VIT: variants seen among roughly 807,000 people sequenced by gnomAD.
VIT encodes the protein vitrin.
VIT carries 99 observed loss-of-function variants against 78.0 expected under a neutral mutation model. The ratio of observed to expected loss-of-function variants is 1.27; its 90% CI spans 1.08 to 1.50. The LOEUF (loss-of-function observed/expected upper bound fraction) is 1.50, where lower values mean the gene tolerates loss of function less well. Ranked by LOEUF, VIT falls within the 40% of genes most tolerant of loss-of-function variation. The pLI is 0.00. For synonymous variants in VIT, 374 were observed against 334.3 expected, an observed-to-expected ratio of 1.12 and a Z score of -1.29; for missense variants, 1,126 against 875.3, an observed-to-expected ratio of 1.29 and a Z score of -3.61.
Position 36,804,602 on chromosome 2 carries a change from C to T in VIT, c.1163-836C>T, listed in dbSNP as rs189427400. 7.5e-3 allele frequency among the ~76,000 whole-genome samples: 1,141 copies of T among 152,232 alleles called. 10 individuals carry two copies. The highest frequency in any genetic ancestry group is 0.025 in the African/African-American group (1,057 of 41,544). On this transcript the variant is annotated intron_variant, in intron 13 of 15. Transcript: ENST00000379242. The stretch of plus-strand genomic sequence containing the variant: ...ATCCCAGCACTTTGGGAGGCCGAGG[C>T]AGGCAGATCACAAGATCAAGAGATC...
rs992177316 is a variant in VIT at position 36,792,063 on chromosome 2, G to A, written c.1058+4787G>A. On this transcript the variant is annotated intron_variant, in intron 12 of 15. Transcript: ENST00000379242. ...GGGGCTGTCTGGGCCTTGACTTCAC[G>A]TTGGCATTACCTGGGGAGCTTTTTA... 3.3e-5 allele frequency among the ~76,000 whole-genome samples: 5 copies of A among 152,140 alleles called. No individual in the cohort carries two copies. In the East Asian group the frequency reaches 7.7e-4, roughly 23 times the overall value.
intron 12 of VIT, among the ~76,000 whole-genome samples, chr2:36,799,759 C>G (rs971909463): frequency 6.6e-6 from 1 of 151,426 alleles, no homozygotes; most frequent in Non-Finnish European, 1.5e-5. Context: ...AACTTAGTAG[C>G]CTCTATGGCT....
chr2:36,711,218 T>A (rs1174440033), intron 1 of VIT, among the ~76,000 whole-genome samples: 1 of 152,228 alleles, frequency 6.6e-6, no homozygotes, highest in Non-Finnish European at 1.5e-5. Context: ...CTTGCTGTGG[T>A]CTTTATTTTC....
At chr2:36,794,128 C>A (rs1160423717) in intron 12 of VIT, among the ~76,000 whole-genome samples, 1 of 152,184 alleles carries the variant, frequency 6.6e-6, no homozygotes, top group Non-Finnish European at 1.5e-5. Context: ...CAGGTGTTTG[C>A]TTCTTAAACC....
At chr2:36,702,946 C>T (rs74528341) in intron 1 of VIT, among the ~76,000 whole-genome samples, 5,936 of 152,278 alleles carry the variant, frequency 0.039, 174 homozygotes, top group African/African-American at 0.08. Flanking sequence ...TCTGCCTAGG[C>T]TCCTCAGCCC....
chr2:36,746,002 G>A (rs1202692748), intron 4 of VIT, among the ~76,000 whole-genome samples: 1 of 152,086 alleles, frequency 6.6e-6, no homozygotes, highest in Non-Finnish European at 1.5e-5. Context: ...TCAGTTGAGA[G>A]TTTTTATCAT....
At chr2:36,789,714 G>A (rs541151702) in intron 12 of VIT, among the ~76,000 whole-genome samples, 4 of 152,254 alleles carry the variant, frequency 2.6e-5, no homozygotes, top group African/African-American at 7.2e-5. Context: ...AGATTCTAAC[G>A]CCCTCTTTGC....
chr2:36,791,987 G>C (rs556448768), intron 12 of VIT, among the ~76,000 whole-genome samples: 1 of 152,114 alleles, frequency 6.6e-6, no homozygotes, highest in East Asian at 1.9e-4. Context: ...GCTGGGATGG[G>C]GGCTGGCAGA....
chr2:36,743,099 G>A lies in VIT; in HGVS notation c.119-1G>A. On this transcript the variant is annotated splice_acceptor_variant, in intron 3 of 15. Coordinates refer to ENST00000379242, the MANE Select transcript of VIT (RefSeq NM_053276.4). LOFTEE classifies it high-confidence loss of function. The stretch of plus-strand genomic sequence containing the variant: ...ATTTTGACCTCATTTTGTATTCCCA[G>A]CTGTGCCTCAGATCAACTGCGATGT... The A allele has an allele frequency of 6.2e-7, 1 of 1,613,966 alleles. No homozygotes were observed. Among genetic ancestry groups the A allele is most frequent in the Non-Finnish European group, 8.5e-7 (1 of 1,179,904 alleles).
chr2:36,794,543 A>T (rs536824742), intron 12 of VIT, among the ~76,000 whole-genome samples: 21 of 152,300 alleles, frequency 1.4e-4, no homozygotes, highest in African/African-American at 4.6e-4. Flanking sequence ...CAGATTCATG[A>T]TTTCTTATTC....
intron 11 of VIT, among the ~76,000 whole-genome samples, chr2:36,785,829 A>G (rs1665057377): frequency 6.6e-6 from 1 of 152,210 alleles, no homozygotes; most frequent in African/African-American, 2.4e-5. Context: ...CTCAGGTATA[A>G]CTTTTCTCCT....
intron 3 of VIT, among the ~76,000 whole-genome samples, chr2:36,740,712 A>T (rs550703340): frequency 2.0e-5 from 3 of 151,280 alleles, no homozygotes; most frequent in African/African-American, 7.3e-5. Flanking sequence ...TTGTAAGGGG[A>T]AAAAAAAAGA....
chr2:36,723,838 CTGTT>C (rs763785071), intron 2 of VIT, among the ~76,000 whole-genome samples: 3 of 151,846 alleles, frequency 2.0e-5, no homozygotes, highest in Non-Finnish European at 2.9e-5. Context: ...GTAAGCCCAA[CTGTT>C]TGGGAGGTTG....
intron 6 of VIT, among the ~76,000 whole-genome samples, chr2:36,761,744 A>G (rs1669136673): frequency 1.3e-5 from 2 of 152,114 alleles, no homozygotes; most frequent in African/African-American, 2.4e-5. Flanking sequence ...CATCTAAAAA[A>G]AAAAGAAAAA....
chr2:36,762,095 T>G (rs1054961249), intron 6 of VIT, among the ~76,000 whole-genome samples: 1 of 152,060 alleles, frequency 6.6e-6, no homozygotes, highest in Non-Finnish European at 1.5e-5. Context: ...AAAGTCTACT[T>G]GGTTTGTACG....
Position 36,805,641 on chromosome 2 carries a change from G to T in VIT, c.1366G>T (p.Val456Leu), listed in dbSNP as rs1429195707. The change falls in exon 14 of 16, where the codon GTG (valine) becomes TTG (leucine). Residue 456 changes from valine (V) to leucine (L), a missense_variant. Val to Leu is a conservative substitution (Grantham distance 32, BLOSUM62 1). Coordinates refer to ENST00000379242, the MANE Select transcript of VIT (RefSeq NM_053276.4). ...GAAENEKQYV[V>L]EPNFANKAVC... ...TGCTGAAAATGAGAAGCAGTATGTGGTGGAGCCCAACTTTGCAAACAAGGT... is the reference window on the plus strand; with the variant it reads ...TGCTGAAAATGAGAAGCAGTATGTGTTGGAGCCCAACTTTGCAAACAAGGT... 1 of 1,613,960 alleles carries T rather than the reference G, an allele frequency of 6.2e-7. No homozygotes were observed. The highest frequency in any genetic ancestry group is 8.5e-7 in the Non-Finnish European group (1 of 1,179,896).
chr2:36,763,185 C>T (rs1669223987), intron 6 of VIT, among the ~76,000 whole-genome samples: 1 of 152,100 alleles, frequency 6.6e-6, no homozygotes, highest in Non-Finnish European at 1.5e-5. Context: ...CACCCTGGGT[C>T]CAGTGAGTCA....
chr2:36,784,026 G>A (rs1415671124), intron 11 of VIT, among the ~76,000 whole-genome samples: 2 of 152,168 alleles, frequency 1.3e-5, no homozygotes, highest in Non-Finnish European at 2.9e-5. Flanking sequence ...GTTCGAAACC[G>A]AGGCTATGAG....
chr2:36,798,525 G>C (rs1666074029), intron 12 of VIT, among the ~76,000 whole-genome samples: 1 of 152,170 alleles, frequency 6.6e-6, no homozygotes, highest in Non-Finnish European at 1.5e-5. Context: ...GGGAGGCCAA[G>C]GCAGATGGAT....
Sources: allele counts gnomAD v4.1 joint callset (sites outside exome capture counted in the v4.1 genomes callset), GRCh38; gene constraint gnomAD v4.1.1; transcripts MANE v1.5; gene names NCBI Gene and HGNC (gene_info 2026-07-23, HGNC 2026-07-21).